SEC24C: variants seen among roughly 807,000 people sequenced by gnomAD.
SEC24C encodes the protein protein transport protein Sec24C.
In SEC24C, 22 loss-of-function variants were observed where a neutral mutation model predicts 117.0. The ratio of observed to expected loss-of-function variants is 0.19; its 90% CI spans 0.13 to 0.27. The LOEUF is 0.27. SEC24C is among the 10% of genes least tolerant of loss of function. SEC24C has a pLI of 1.00. For missense variants in SEC24C, 1,155 were observed against 1,375.1 expected (o/e 0.84, Z 2.53); for synonymous variants, 506 against 529.4 (o/e 0.96, Z 0.61).
chr10:73,765,423 G>A lies in SEC24C; in HGVS notation c.1228-28G>A, dbSNP rs562879849. 47 of 1,600,380 alleles carry A rather than the reference G, an allele frequency of 2.9e-5. 1 individual carries two copies. The Middle Eastern group carries it at 5.3e-4, about 18-fold the overall frequency. ...TGAACCTACTGTGGTTTTCCTTTATGTCTGATCCCTTCCCCTTTGCGCCTT... is the reference window on the plus strand; with the variant it reads ...TGAACCTACTGTGGTTTTCCTTTATATCTGATCCCTTCCCCTTTGCGCCTT... On this transcript the variant is annotated intron_variant, in intron 8 of 22. Transcript: ENST00000345254.
chr10:73,747,089 A>C, intron 2 of SEC24C, 85 bp downstream of exon 2: 2 of 1,292,192 alleles, frequency 1.5e-6, no homozygotes, highest in South Asian at 3.6e-5. Flanking sequence ...TAGCTAAGCT[A>C]CCTGAGAAGT....
In SEC24C at chr10:73,751,132, C is replaced by T. The variant is rs780298409; in HGVS notation, c.197C>T (p.Ser66Leu). 1.5e-5 allele frequency: 25 copies of T among 1,613,984 alleles called. No homozygotes were observed. Among genetic ancestry groups the T allele is most frequent in the South Asian group, 4.4e-5 (4 of 91,080 alleles). The change falls in exon 3 of 23, where the codon TCG (serine) becomes TTG (leucine). Residue 66 changes from serine (S) to leucine (L), a missense_variant. This residue lies in a region of SEC24C where 396 missense variants were observed against 382.8 expected (regional missense o/e 1.03). Transcript: ENST00000345254. ...GGTATGTCAAGAGCCCCACCTTCCT[C>T]GGGGGCACCTCCAGCCTCAACAGCA... ...PQGMSRAPPS[S>L]GAPPASTAQA... is the part of the protein sequence containing the mutation.
intron 4 of SEC24C, 76 bp downstream of exon 4, chr10:73,759,870 CTT>C (rs2082769427): frequency 1.3e-6 from 2 of 1,487,122 alleles, no homozygotes; most frequent in South Asian, 1.4e-5. Flanking sequence ...ACCTGAATCT[CTT>C]TTATTTCCCT....
intron 7 of SEC24C, 65 bp downstream of exon 7, chr10:73,763,666 GCTTTTT>G: frequency 3.3e-5 from 7 of 212,416 alleles, no homozygotes; most frequent in South Asian, 5.8e-5. Context: ...TATGGTTGGG[GCTTTTT>G]TTTTTTTTTT....
Position 73,767,941 on chromosome 10 carries a change from T to TTAAAAAAAAAAA in SEC24C, c.2115_2116insTAAAAAAAAAAA (p.Asp705_Val706insTer). ...TTCTCTTCCCTAACCAGTATGTGGA[T>TTAAAAAAAAAAA]GTGGCCACACTCTCTGTTGTGCCCC... On this transcript the variant is annotated stop_gained and inframe_insertion, in exon 15 of 23. Transcript: ENST00000345254. LOFTEE classifies it high-confidence loss of function. 1 of 1,611,466 alleles carries TTAAAAAAAAAAA rather than the reference T, an allele frequency of 6.2e-7. No individual in the cohort carries two copies. The highest frequency in any genetic ancestry group is 1.3e-5 in the African/African-American group (1 of 74,586).
At chr10:73,744,916 A>C (rs187720173) in intron 1 of SEC24C, among the ~76,000 whole-genome samples, 6 of 152,294 alleles carry the variant, frequency 3.9e-5, no homozygotes, top group East Asian at 1.9e-4. Context: ...TCTGGAGAAG[A>C]AGCTCCTTTC....
At chr10:73,766,717 C>A in intron 12 of SEC24C, 43 bp from the exon 13 acceptor site, 1 of 1,560,478 alleles carries the variant, frequency 6.4e-7, no homozygotes, top group East Asian at 2.2e-5. Flanking sequence ...TATCTGGAAT[C>A]TGTATAGCAA....
intron 3 of SEC24C, among the ~76,000 whole-genome samples, chr10:73,752,989 C>G (rs2082662969): frequency 6.6e-6 from 1 of 151,800 alleles, no homozygotes; most frequent in African/African-American, 2.4e-5. Flanking sequence ...AAACATTATT[C>G]TCTCCCTCCC....
At chr10:73,763,628 A>T (rs770975180) in intron 7 of SEC24C, 27 bp downstream of exon 7, 1 of 1,089,448 alleles carries the variant, frequency 9.2e-7, no homozygotes, top group East Asian at 3.3e-5. Context: ...CTCCTCCCAC[A>T]GGGGCTTTTT....
chr10:73,765,326 C>T (rs1185214046), intron 8 of SEC24C, 125 bp from the exon 9 acceptor site: 2 of 1,014,792 alleles, frequency 2.0e-6, no homozygotes, highest in African/African-American at 3.2e-5. Context: ...ATTGTGCTCC[C>T]TACTCCCTCT....
Position 73,760,282 on chromosome 10 carries a change from C to T in SEC24C, c.746C>T (p.Ser249Leu), listed in dbSNP as rs1028724454. 6 of 1,613,824 alleles carry T rather than the reference C, an allele frequency of 3.7e-6. No homozygotes were observed. In the African/African-American group the frequency reaches 4.0e-5, roughly 11 times the overall value. The change falls in exon 5 of 23, where the codon TCA (serine) becomes TTA (leucine). Residue 249 changes from serine (S) to leucine (L), a missense_variant. Ser to Leu is a moderately radical substitution (Grantham distance 145). This residue lies in a region of SEC24C where 396 missense variants were observed against 382.8 expected (regional missense o/e 1.03). Coordinates refer to ENST00000345254, the MANE Select transcript of SEC24C (RefSeq NM_198597.3). ...PSVSQPNHVS[S>L]PPQALPPGTQ... ...GTGAGCCAGCCCAACCATGTGTCTT[C>T]ACCTCCTCAAGCTCTGCCCCCTGGC... is the stretch of plus-strand genomic sequence containing the variant.
Position 73,769,626 on chromosome 10 carries a change from G to C in SEC24C, c.2575G>C (p.Val859Leu). ...GCTTTCCCATCCAGCATATCGGGGA[G>C]TCCTGAATAGCCCTGTGAAGGCTGT... The part of the protein sequence containing the change: ...NYMAKFAYRG[V>L]LNSPVKAVRD... The change falls in exon 19 of 23, where the codon GTC becomes CTC. Residue 859 changes from valine (V) to leucine (L), a missense_variant. Physicochemically the swap from Val to Leu is conservative, Grantham distance 32. This residue lies in a region of SEC24C where 759 missense variants were observed against 992.3 expected (regional missense o/e 0.76). Coordinates refer to ENST00000345254, the MANE Select transcript of SEC24C (RefSeq NM_198597.3). The surrounding 1 kb of genome is among the most constrained non-coding windows in gnomAD (Gnocchi z 4.5). The C allele has an allele frequency of 6.2e-7, 1 of 1,614,084 alleles. No homozygotes were observed. The highest frequency in any genetic ancestry group is 8.5e-7 in the Non-Finnish European group (1 of 1,180,022).
chr10:73,755,540 G>A (rs939820167), intron 3 of SEC24C, among the ~76,000 whole-genome samples: 2 of 151,988 alleles, frequency 1.3e-5, no homozygotes, highest in African/African-American at 4.8e-5. Flanking sequence ...AGCTGGGCGC[G>A]GTGGCAGGCT....
At chr10:73,760,641 T>G in intron 5 of SEC24C, 72 bp from the exon 6 acceptor site, 1 of 1,442,588 alleles carries the variant, frequency 6.9e-7, no homozygotes, top group Non-Finnish European at 9.3e-7. Flanking sequence ...AGGAGTCTAG[T>G]CATTTTCCTG....
intron 5 of SEC24C, 100 bp downstream of exon 5, chr10:73,760,486 G>A: frequency 7.1e-7 from 1 of 1,407,788 alleles, no homozygotes; most frequent in African/African-American, 1.4e-5. Context: ...TACTTGCTAA[G>A]TGGTGAATTA....
intron 6 of SEC24C, among the ~76,000 whole-genome samples, chr10:73,761,534 C>G (rs2082796404): frequency 6.6e-6 from 1 of 152,180 alleles, no homozygotes; most frequent in Admixed American, 6.5e-5. Context: ...ATAGTTCCAC[C>G]TGTAACATTT....
Position 73,763,974 on chromosome 10 carries a change from C to G in SEC24C, c.1218C>G (p.Pro406=). ...AAVIKPLARL[P]PEEASPYVVD... ...TCATCAAACCGCTGGCAAGGCTGCC[C>G]CCAGAGGAGGTGAGTCAGGGAAGGG... The change falls in exon 8 of 23, where the codon CCC becomes CCG. Residue 406 remains proline (P), a synonymous_variant. Transcript: ENST00000345254. 6.3e-7 allele frequency: 1 copy of G among 1,588,280 alleles called. No homozygotes were observed. The highest frequency in any genetic ancestry group is 1.1e-5 in the South Asian group (1 of 88,528).
intron 3 of SEC24C, among the ~76,000 whole-genome samples, chr10:73,755,921 T>C (rs867664808): frequency 1.3e-4 from 19 of 151,518 alleles, no homozygotes; most frequent in Admixed American, 5.3e-4. Context: ...GCACGATCTC[T>C]GCTCACTGCA....
intron 20 of SEC24C, 119 bp downstream of exon 20, chr10:73,770,134 G>T: frequency 8.0e-7 from 1 of 1,252,626 alleles, no homozygotes; most frequent in Non-Finnish European, 1.1e-6. Context: ...TATTTTAGCT[G>T]ATGTAATTTT....
Sources: allele counts gnomAD v4.1 joint callset (sites outside exome capture counted in the v4.1 genomes callset), GRCh38; gene constraint gnomAD v4.1.1; regional missense constraint gnomAD v4.1.1; non-coding constraint Gnocchi (gnomAD v3.1); transcripts MANE v1.5; gene names NCBI Gene and HGNC (gene_info 2026-07-23, HGNC 2026-07-21).